Variants in VAMP1 observed in about 807,000 individuals in gnomAD.
VAMP1 encodes the protein vesicle associated membrane protein 1.
Under a neutral mutation model 19.1 loss-of-function variants are expected in VAMP1, and 16 were observed. The observed-to-expected ratio is 0.84, with a 90% CI of 0.57 to 1.27. VAMP1 has a LOEUF of 1.27. Ranked by LOEUF, VAMP1 falls within the 50% of genes most tolerant of loss-of-function variation. The pLI, the probability that VAMP1 is intolerant of heterozygous loss-of-function variation, is 0.00. For synonymous variants in VAMP1, 37 were observed against 50.2 expected (o/e 0.74, Z 1.11); for missense variants, 109 against 145.4 (o/e 0.75, Z 1.29).
In VAMP1 at chr12:6,462,952, C is replaced by G; in HGVS notation, c.*1518G>C. ...AAGTGGGCATCCAGACCCTGCCCAG[C>G]ATGGCCTCAGCCTCTTCCTGTTCGT... On this transcript the variant is annotated 3_prime_UTR_variant, in exon 5 of 5. Transcript: ENST00000396308. 1.3e-6 allele frequency: 2 copies of G among 1,554,134 alleles called. No homozygotes were observed. The highest frequency in any genetic ancestry group is 1.7e-6 in the Non-Finnish European group (2 of 1,148,430).
rs1427864327 is a variant in VAMP1, at chr12:6,464,107, T to C, written c.*363A>G. 5.3e-6 allele frequency: 7 copies of C among 1,326,646 alleles called. No individual in the cohort carries two copies. The highest frequency in any genetic ancestry group is 6.9e-6 in the Non-Finnish European group (7 of 1,013,052). 82.2% of individuals were successfully genotyped at this position (1,326,646 alleles called of 1,614,324 possible). ...TAGAAGTCACCATGGGCACCGATAC[T>C]CTTCTCCTCCCAAGTCTGGGCAGCT... is the stretch of plus-strand genomic sequence containing the variant. On this transcript the variant is annotated 3_prime_UTR_variant, in exon 5 of 5. Coordinates refer to ENST00000396308, the MANE Select transcript of VAMP1 (RefSeq NM_014231.5).
chr12:6,464,537 G>C (rs371057949), intron 4 of VAMP1, 51 bp from the exon 5 acceptor site: 3 of 1,471,102 alleles, frequency 2.0e-6, no homozygotes, highest in African/African-American at 1.4e-5. Flanking sequence ...AGAGACAGGA[G>C]AAAACAAGAG....
intron 1 of VAMP1, chr12:6,466,749 GACTCA>G (rs1440592559): frequency 1.1e-5 from 2 of 176,272 alleles, no homozygotes; most frequent in Non-Finnish European, 2.4e-5. Context: ...GCTATCCTTT[GACTCA>G]ACTCAAACAA....
In VAMP1 at chr12:6,462,850, A is replaced by G; in HGVS notation, c.*1620T>C. On this transcript the variant is annotated 3_prime_UTR_variant, in exon 5 of 5. Coordinates refer to ENST00000396308, the MANE Select transcript of VAMP1 (RefSeq NM_014231.5). ...CAGCTCTTCAGTCCCGCCCTTGGGC[A>G]GGACGAAGGGAATGTGGGAAACAAG... The G allele has an allele frequency of 1.9e-6, 3 of 1,606,412 alleles. No individual in the cohort carries two copies. Among genetic ancestry groups the G allele is most frequent in the Non-Finnish European group, 2.6e-6 (3 of 1,176,310 alleles).
At position 6,465,360 on chromosome 12, in the gene VAMP1, A is replaced by G. The variant is rs113054095; in HGVS notation, c.289-419T>C. ...TGATTTAAAAGAAAAAGAAAAAAGT[A>G]TATATATATATAAATGTATATATAT... On this transcript the variant is annotated intron_variant, in intron 3 of 4. Coordinates refer to ENST00000396308, the MANE Select transcript of VAMP1 (RefSeq NM_014231.5). 7.3e-3 allele frequency: 1,376 copies of G among 187,962 alleles called. 31 individuals are homozygous for G. The highest frequency in any genetic ancestry group is 0.012 in the Non-Finnish European group (1,198 of 96,558). The allele number at this position is 187,962 out of a possible 1,614,324, so 11.6% of individuals were successfully genotyped here. A position where few individuals can be genotyped will look rare whatever the true frequency, so the allele number is the denominator to read the frequency against.
rs1949936246 is a variant in VAMP1, at chr12:6,463,703, C to T, written c.*767G>A. ...CAGCTAGATGGATTTATTTGGTGCC[C>T]TCATACAGAATGCTGTAGAAAATGT... On this transcript the variant is annotated 3_prime_UTR_variant, in exon 5 of 5. Coordinates refer to ENST00000396308, the MANE Select transcript of VAMP1 (RefSeq NM_014231.5). The surrounding 1 kb of genome is among the most constrained non-coding windows in gnomAD (Gnocchi z 4.0). 6 of 1,133,274 alleles carry T rather than the reference C, an allele frequency of 5.3e-6. No homozygotes were observed. The highest frequency in any genetic ancestry group is 6.6e-6 in the Non-Finnish European group (6 of 915,116). The allele number at this position is 1,133,274 out of a possible 1,614,324, so 70.2% of individuals were successfully genotyped here.
intron 4 of VAMP1, 71 bp from the exon 5 acceptor site, chr12:6,464,557 C>T: frequency 6.8e-7 from 1 of 1,465,054 alleles, no homozygotes; most frequent in Non-Finnish European, 9.0e-7. Flanking sequence ...GGGTGAATTA[C>T]ACCAAGTTAC....
chr12:6,464,929 G>C lies in VAMP1; in HGVS notation c.301C>G (p.Leu101Val). 1 of 1,613,858 alleles carries C rather than the reference G, an allele frequency of 6.2e-7. No homozygotes were observed. The highest frequency in any genetic ancestry group is 8.5e-7 in the Non-Finnish European group (1 of 1,179,972). The change falls in exon 4 of 5, where the codon CTG (leucine) becomes GTG (valine). Residue 101 changes from leucine to valine, a missense_variant. By Grantham distance (32) the Leu-to-Val change is conservative. Transcript: ENST00000396308. ...WWKNCKMMIM[L>V]GAICAIIVVV... ...ACGATGATGGCACAGATGGCTCCCAGCATGATCATCATCTGAGGAAACATG... is the reference window on the plus strand; with the variant it reads ...ACGATGATGGCACAGATGGCTCCCACCATGATCATCATCTGAGGAAACATG...
At chr12:6,469,342 C>T (rs550651789) in intron 1 of VAMP1, among the ~76,000 whole-genome samples, 1 of 152,278 alleles carries the variant, frequency 6.6e-6, no homozygotes, top group East Asian at 1.9e-4. Flanking sequence ...CCTCGTGATG[C>T]CCCGCTAGCC....
chr12:6,464,841 C>T (rs764868962), intron 4 of VAMP1, 49 bp downstream of exon 4: 4 of 1,612,900 alleles, frequency 2.5e-6, no homozygotes, highest in African/African-American at 1.3e-5. Context: ...GAGAAGACTC[C>T]AGGACCTTCC....
rs753592386 is a variant in VAMP1 at position 6,463,386 on chromosome 12, G to A, written c.*1084C>T. 5 of 1,070,888 alleles carry A rather than the reference G, an allele frequency of 4.7e-6. No individual in the cohort carries two copies. Among genetic ancestry groups the A allele is most frequent in the Non-Finnish European group, 5.7e-6 (5 of 880,690 alleles). The allele number at this position is 1,070,888 out of a possible 1,614,324, so 66.3% of individuals were successfully genotyped here. On this transcript the variant is annotated 3_prime_UTR_variant, in exon 5 of 5. Transcript: ENST00000396308. This position sits in a 1 kb window ranked among gnomAD's most constrained non-coding sequence, Gnocchi z 4.0. ...CATCCTGAGGATCGGCCGGGCCCCA[G>A]GAAGAACCACTTGCCTCATCCCTGT...
chr12:6,470,654 G>A lies in VAMP1; in HGVS notation c.-123C>T, dbSNP rs1293248850. ...CTCCGCCTCGCGCCGACTACCCCGC[G>A]GTCTAGCTGCGCTGGAACTTACTGC... is the stretch of plus-strand genomic sequence containing the variant. On this transcript the variant is annotated 5_prime_UTR_variant, in exon 1 of 5. Transcript: ENST00000396308. 8.4e-6 allele frequency: 11 copies of A among 1,310,246 alleles called. No individual in the cohort carries two copies. The highest frequency in any genetic ancestry group is 7.4e-5 in the South Asian group (6 of 81,440). 81.2% of individuals were successfully genotyped at this position (1,310,246 alleles called of 1,614,324 possible). A position where few individuals can be genotyped will look rare whatever the true frequency, so the allele number is the denominator to read the frequency against.
intron 4 of VAMP1, 196 bp from the exon 5 acceptor site, chr12:6,464,682 T>A (rs1949958957): frequency 1.6e-5 from 24 of 1,485,874 alleles, no homozygotes; most frequent in Non-Finnish European, 2.1e-5. Context: ...GCCATCTCCC[T>A]GCAATGCGTT....
intron 4 of VAMP1, 99 bp downstream of exon 4, chr12:6,464,791 G>C (rs1257345923): frequency 6.3e-7 from 1 of 1,590,048 alleles, no homozygotes; most frequent in East Asian, 2.2e-5. Context: ...CCATACCTCA[G>C]TCAGAGCAGC....
Position 6,463,912 on chromosome 12 carries a change from GT to G in VAMP1, c.*557del, listed in dbSNP as rs894090833. ...GATTAGAAATAACTACAAAAAACAA[GT>G]TTTTACTTTCGAAAAGGGTACTGCA... On this transcript the variant is annotated 3_prime_UTR_variant, in exon 5 of 5. Coordinates refer to ENST00000396308, the MANE Select transcript of VAMP1 (RefSeq NM_014231.5). The surrounding 1 kb of genome is among the most constrained non-coding windows in gnomAD (Gnocchi z 4.0). The G allele has an allele frequency of 6.2e-6, 8 of 1,287,258 alleles. No homozygotes were observed. The highest frequency in any genetic ancestry group is 4.7e-5 in the Admixed American group (2 of 42,980). The allele number at this position is 1,287,258 out of a possible 1,614,324, so 79.7% of individuals were successfully genotyped here. A position where few individuals can be genotyped will look rare whatever the true frequency, so the allele number is the denominator to read the frequency against.
intron 1 of VAMP1, chr12:6,466,678 G>A (rs1193348181): frequency 4.5e-6 from 1 of 223,964 alleles, no homozygotes; most frequent in East Asian, 1.4e-4. Context: ...GAAAGACTCT[G>A]CAACAACATT....
chr12:6,462,783 C>G lies in VAMP1; in HGVS notation c.*1687G>C, dbSNP rs142636658. The G allele has an allele frequency of 2.6e-6, 4 of 1,566,770 alleles. No homozygotes were observed. Among genetic ancestry groups the G allele is most frequent in the Non-Finnish European group, 3.5e-6 (4 of 1,152,404 alleles). On this transcript the variant is annotated 3_prime_UTR_variant, in exon 5 of 5. Transcript: ENST00000396308. ...GGAGGAGCCCAGAGGAGAGTGGAGA[C>G]CTTCGAGGGGGGCCGTTGGGAGGGT...
rs931318184 is a variant in VAMP1 at position 6,463,434 on chromosome 12, G to A, written c.*1036C>T. On this transcript the variant is annotated 3_prime_UTR_variant, in exon 5 of 5. Coordinates refer to ENST00000396308, the MANE Select transcript of VAMP1 (RefSeq NM_014231.5). This position sits in a 1 kb window ranked among gnomAD's most constrained non-coding sequence, Gnocchi z 4.0. ...TGTCTTTGGCAAGTGCACGGGTGGT[G>A]TGGAGGAAAGGATTCCATGGGTGTC... is the stretch of plus-strand genomic sequence containing the variant. The A allele has an allele frequency of 7.6e-6, 8 of 1,047,554 alleles. No homozygotes were observed. Among genetic ancestry groups the A allele is most frequent in the East Asian group, 8.9e-5 (1 of 11,228 alleles). The allele number at this position is 1,047,554 out of a possible 1,614,324, so 64.9% of individuals were successfully genotyped here. A position where few individuals can be genotyped will look rare whatever the true frequency, so the allele number is the denominator to read the frequency against.
Position 6,465,358 on chromosome 12 carries a change from G to GTATA in VAMP1, c.289-421_289-418dup, listed in dbSNP as rs10623425. The stretch of plus-strand genomic sequence containing the variant: ...GCTGATTTAAAAGAAAAAGAAAAAA[G>GTATA]TATATATATATATAAATGTATATAT... On this transcript the variant is annotated intron_variant, in intron 3 of 4. Coordinates refer to ENST00000396308, the MANE Select transcript of VAMP1 (RefSeq NM_014231.5). 1.4e-3 allele frequency: 210 copies of GTATA among 146,732 alleles called. 5 individuals carry two copies. Among genetic ancestry groups the GTATA allele is most frequent in the East Asian group, 2.9e-3 (12 of 4,142 alleles). 9.1% of individuals were successfully genotyped at this position (146,732 alleles called of 1,614,324 possible). A position where few individuals can be genotyped will look rare whatever the true frequency, so the allele number is the denominator to read the frequency against.
Sources: allele counts gnomAD v4.1 joint callset (sites outside exome capture counted in the v4.1 genomes callset), GRCh38; gene constraint gnomAD v4.1.1; non-coding constraint Gnocchi (gnomAD v3.1); transcripts MANE v1.5; gene names NCBI Gene and HGNC (gene_info 2026-07-23, HGNC 2026-07-21).